TBC1D19: variants seen among roughly 807,000 people sequenced by gnomAD.
The protein encoded by TBC1D19 is TBC1 domain family, member 19.
TBC1D19 carries 60 observed loss-of-function variants against 89.0 expected under a neutral mutation model. The observed-to-expected ratio is 0.67, with a 90% CI of 0.55 to 0.84. TBC1D19 has a LOEUF of 0.84. Ranked by LOEUF, TBC1D19 falls within the 40% of genes least tolerant of loss-of-function variation. The pLI, the probability that TBC1D19 is intolerant of heterozygous loss-of-function variation, is 0.00. For missense variants in TBC1D19, 500 were observed against 610.8 expected (o/e 0.82, Z 1.91); for synonymous variants, 189 against 199.7 (o/e 0.95, Z 0.45).
At chr4:26,627,801 A>T (rs1281067583) in intron 4 of TBC1D19, among the ~76,000 whole-genome samples, 2 of 151,972 alleles carry the variant, frequency 1.3e-5, no homozygotes, top group Non-Finnish European at 2.9e-5. Flanking sequence ...TTGTCAGATG[A>T]GTAGGTTGTG....
At chr4:26,651,377 C>T (rs1474388680) in intron 7 of TBC1D19, among the ~76,000 whole-genome samples, 1 of 152,114 alleles carries the variant, frequency 6.6e-6, no homozygotes, top group Non-Finnish European at 1.5e-5. Flanking sequence ...TTGTTTGTAT[C>T]CTCTTTTATT....
At chr4:26,850,463 G>C in the TBC1D19 span, among the ~76,000 whole-genome samples, 7 of 144,050 alleles carry the variant, frequency 4.9e-5, no homozygotes, top group African/African-American at 1.8e-4. Context: ...TGGGAGGACT[G>C]CCTGAACCAA....
chr4:26,641,279 A>G (rs370046593), intron 7 of TBC1D19, among the ~76,000 whole-genome samples: 20 of 152,350 alleles, frequency 1.3e-4, no homozygotes, highest in East Asian at 7.7e-4. Flanking sequence ...AAACCCAGGC[A>G]AACAGCATCT....
chr4:26,804,749 G>T, the TBC1D19 span, among the ~76,000 whole-genome samples: 2 of 152,226 alleles, frequency 1.3e-5, no homozygotes, highest in East Asian at 3.8e-4. Flanking sequence ...TGATTTGAGC[G>T]CTGTGTGCGA....
intron 7 of TBC1D19, among the ~76,000 whole-genome samples, chr4:26,653,673 T>G (rs1209186922): frequency 6.6e-6 from 1 of 152,192 alleles, no homozygotes; most frequent in African/African-American, 2.4e-5. Flanking sequence ...AAAGTCTGTT[T>G]TATCAGAGAC....
intron 7 of TBC1D19, among the ~76,000 whole-genome samples, chr4:26,647,252 G>A (rs1744038860): frequency 6.6e-6 from 1 of 152,164 alleles, no homozygotes; most frequent in African/African-American, 2.4e-5. Flanking sequence ...GATACAGGAG[G>A]AGGAACAGGG....
intron 8 of TBC1D19, among the ~76,000 whole-genome samples, chr4:26,659,912 T>G (rs993725726): frequency 6.6e-6 from 1 of 152,216 alleles, no homozygotes; most frequent in African/African-American, 2.4e-5. Flanking sequence ...CATTGACATA[T>G]AAATGCTTTT....
At chr4:26,577,804 AAATC>A (rs1272183882) in intron 1 of TBC1D19, among the ~76,000 whole-genome samples, 1 of 152,214 alleles carries the variant, frequency 6.6e-6, no homozygotes. Flanking sequence ...AGTGTACTGA[AAATC>A]AAGGATAAAA....
intron 15 of TBC1D19, among the ~76,000 whole-genome samples, chr4:26,722,726 C>T (rs1246385134): frequency 6.6e-6 from 1 of 152,154 alleles, no homozygotes; most frequent in Non-Finnish European, 1.5e-5. Flanking sequence ...GTTATAGCAG[C>T]AGCAGCAAAC....
chr4:26,678,061 A>G (rs1405264661), intron 11 of TBC1D19, among the ~76,000 whole-genome samples: 1 of 152,188 alleles, frequency 6.6e-6, no homozygotes, highest in African/African-American at 2.4e-5. Flanking sequence ...AGAAGTTGGA[A>G]TAGTTTGGAG....
At chr4:26,593,291 G>T (rs1487713194) in intron 1 of TBC1D19, among the ~76,000 whole-genome samples, 1 of 152,044 alleles carries the variant, frequency 6.6e-6, no homozygotes, top group Non-Finnish European at 1.5e-5. Flanking sequence ...GCCATATGTA[G>T]AAAGCTGAAA....
intron 1 of TBC1D19, among the ~76,000 whole-genome samples, chr4:26,598,399 C>CTTTTTT (rs67919748): frequency 6.6e-6 from 1 of 150,606 alleles, no homozygotes; most frequent in Non-Finnish European, 1.5e-5. Flanking sequence ...AAATATTCTT[C>CTTTTTT]TTTTTTTTTT....
the TBC1D19 span, among the ~76,000 whole-genome samples, chr4:26,769,759 G>T: frequency 6.6e-6 from 1 of 151,784 alleles, no homozygotes; most frequent in Non-Finnish European, 1.5e-5. Context: ...TGTTGCCCAG[G>T]CTGGTCTCGA....
chr4:26,637,515 GCACC>G lies in TBC1D19; in HGVS notation c.369+232_369+235del, dbSNP rs1189335435. On this transcript the variant is annotated intron_variant, in intron 5 of 20. Transcript: ENST00000264866. ...AGCCTCCAAGTAGCTGGGACTACAG[GCACC>G]CGCCACCAGGTCTGGCTAATTTTTT... Among the ~76,000 whole-genome samples the G allele has an allele frequency of 3.3e-5, 5 of 152,006 alleles. No individual in the cohort carries two copies. In the East Asian group the frequency reaches 9.6e-4, roughly 29 times the overall value.
chr4:26,597,610 C>T (rs565565250), intron 1 of TBC1D19, among the ~76,000 whole-genome samples: 20 of 151,322 alleles, frequency 1.3e-4, no homozygotes, highest in South Asian at 2.1e-4. Context: ...GTGATCCTCC[C>T]GCCTCAGCCT....
chr4:26,720,761 C>T (rs1345121199), intron 15 of TBC1D19, among the ~76,000 whole-genome samples: 1 of 152,044 alleles, frequency 6.6e-6, no homozygotes, highest in East Asian at 1.9e-4. Flanking sequence ...TGTAATCCAG[C>T]AGACTTGGGT....
At chr4:26,596,342 G>A (rs1469476345) in intron 1 of TBC1D19, among the ~76,000 whole-genome samples, 1 of 152,020 alleles carries the variant, frequency 6.6e-6, no homozygotes, top group Non-Finnish European at 1.5e-5. Flanking sequence ...ATTTTTCAAG[G>A]AATTTGTTTT....
At chr4:26,783,708 G>A in the TBC1D19 span, among the ~76,000 whole-genome samples, 1 of 152,186 alleles carries the variant, frequency 6.6e-6, no homozygotes, top group South Asian at 2.1e-4. Flanking sequence ...CAAAATAATA[G>A]CTAGATGGGG....
At chr4:26,634,023 T>G (rs537631266) in intron 4 of TBC1D19, among the ~76,000 whole-genome samples, 2 of 151,660 alleles carry the variant, frequency 1.3e-5, no homozygotes, top group Non-Finnish European at 2.9e-5. Flanking sequence ...AGTAACCCTG[T>G]ACCCACATAA....
Sources: allele counts gnomAD v4.1 joint callset (sites outside exome capture counted in the v4.1 genomes callset), GRCh38; gene constraint gnomAD v4.1.1; transcripts MANE v1.5; gene names NCBI Gene and HGNC (gene_info 2026-07-23, HGNC 2026-07-21).